The following KCNMB2 variants were observed in gnomAD, a reference collection of about 807,000 sequenced individuals.
KCNMB2 encodes the protein potassium calcium-activated channel subfamily M regulatory beta subunit 2, also known as calcium-activated potassium channel subunit beta-2.
A neutral mutation model predicts 24.5 loss-of-function variants in KCNMB2; 9 were observed. The ratio of observed to expected loss-of-function variants is 0.37; its 90% CI spans 0.22 to 0.64. The LOEUF (loss-of-function observed/expected upper bound fraction) is 0.64, where lower values mean the gene tolerates loss of function less well. KCNMB2 is among the 30% of genes least tolerant of loss of function. The pLI, the probability that KCNMB2 is intolerant of heterozygous loss-of-function variation, is 0.63. For synonymous variants in KCNMB2, 109 were observed against 104.4 expected, an observed-to-expected ratio of 1.04 and a Z score of -0.27; for missense variants, 226 against 284.3, an observed-to-expected ratio of 0.79 and a Z score of 1.47.
chr3:178,784,243 A>G (rs1713002668), intron 1 of KCNMB2, among the ~76,000 whole-genome samples: 1 of 152,188 alleles, frequency 6.6e-6, no homozygotes, highest in South Asian at 2.1e-4. Flanking sequence ...CATCATAGCA[A>G]AACAATTGTT....
intron 1 of KCNMB2, among the ~76,000 whole-genome samples, chr3:178,724,994 C>T (rs1248299350): frequency 6.6e-6 from 1 of 151,944 alleles, no homozygotes; most frequent in Non-Finnish European, 1.5e-5. Flanking sequence ...TTTGGCTATT[C>T]AGACTCTTTT....
intron 4 of KCNMB2, among the ~76,000 whole-genome samples, chr3:178,836,146 C>T (rs769250788): frequency 1.3e-5 from 2 of 152,060 alleles, no homozygotes; most frequent in African/African-American, 2.4e-5. Context: ...CACTTTCTTA[C>T]TGCCTCCTCC....
chr3:178,747,636 A>T (rs1338995314), intron 1 of KCNMB2, among the ~76,000 whole-genome samples: 4 of 152,098 alleles, frequency 2.6e-5, no homozygotes, highest in Non-Finnish European at 4.4e-5. Context: ...TCACTCCAAA[A>T]CCTATGGTCT....
chr3:178,684,776 A>C (rs1270439465), intron 1 of KCNMB2, among the ~76,000 whole-genome samples: 1 of 152,188 alleles, frequency 6.6e-6, no homozygotes, highest in African/African-American at 2.4e-5. Context: ...GGTTGCGGTG[A>C]GCCGAGATCG....
intron 2 of KCNMB2, among the ~76,000 whole-genome samples, chr3:178,819,412 G>A (rs1714537538): frequency 6.6e-6 from 1 of 152,110 alleles, no homozygotes; most frequent in Non-Finnish European, 1.5e-5. Flanking sequence ...CTCACTCTCT[G>A]CAGCCATTGT....
chr3:178,716,555 T>C (rs78452749), intron 1 of KCNMB2, among the ~76,000 whole-genome samples: 21,235 of 151,814 alleles, frequency 0.14, 1,832 homozygotes, highest in Non-Finnish European at 0.18. Context: ...GCGATTGTCC[T>C]GCCTCAGCTT....
chr3:178,783,964 C>A (rs982277136), intron 1 of KCNMB2, among the ~76,000 whole-genome samples: 1 of 152,120 alleles, frequency 6.6e-6, no homozygotes, highest in African/African-American at 2.4e-5. Flanking sequence ...TGAAATACGT[C>A]CCATCAATAT....
At chr3:178,546,679 G>T (rs929693559) in intron 1 of KCNMB2, among the ~76,000 whole-genome samples, 1 of 152,300 alleles carries the variant, frequency 6.6e-6, no homozygotes. Context: ...AAGGCTAAAA[G>T]GTAGAAAAGA....
chr3:178,577,902 T>C (rs993623610), intron 1 of KCNMB2, among the ~76,000 whole-genome samples: 1 of 152,198 alleles, frequency 6.6e-6, no homozygotes, highest in East Asian at 1.9e-4. Context: ...CTACATTTGA[T>C]TGGTGTACCT....
intron 2 of KCNMB2, among the ~76,000 whole-genome samples, chr3:178,811,034 G>A (rs965692869): frequency 4.6e-5 from 7 of 151,216 alleles, no homozygotes; most frequent in African/African-American, 1.7e-4. Flanking sequence ...TTACAGGCGT[G>A]GGCCACCACA....
intron 1 of KCNMB2, among the ~76,000 whole-genome samples, chr3:178,759,676 A>G (rs1338796614): frequency 1.1e-4 from 12 of 111,092 alleles, no homozygotes; most frequent in African/African-American, 3.6e-4. Context: ...ATATATATAT[A>G]TATCCAAGAG....
chr3:178,559,425 T>C (rs1290693329), intron 1 of KCNMB2, among the ~76,000 whole-genome samples: 2 of 152,056 alleles, frequency 1.3e-5, no homozygotes, highest in Non-Finnish European at 2.9e-5. Flanking sequence ...ATGAGAATTT[T>C]CTTGTATTTG....
chr3:178,679,063 T>C (rs1342971497), intron 1 of KCNMB2, among the ~76,000 whole-genome samples: 9 of 152,044 alleles, frequency 5.9e-5, no homozygotes, highest in Non-Finnish European at 1.2e-4. Flanking sequence ...TTTTTGTTTT[T>C]TTTATTATAC....
intron 1 of KCNMB2, among the ~76,000 whole-genome samples, chr3:178,605,471 A>G (rs2108511271): frequency 6.6e-6 from 1 of 152,334 alleles, no homozygotes; most frequent in South Asian, 2.1e-4. Context: ...TTAAAACAGG[A>G]TAAAGGGTGG....
At chr3:178,607,767 G>A (rs143207227) in intron 1 of KCNMB2, among the ~76,000 whole-genome samples, 1 of 152,180 alleles carries the variant, frequency 6.6e-6, no homozygotes, top group African/African-American at 2.4e-5. Flanking sequence ...CAGCTACTGA[G>A]TATCTAACAT....
intron 1 of KCNMB2, among the ~76,000 whole-genome samples, chr3:178,538,878 G>A (rs1715495826): frequency 1.3e-5 from 2 of 151,998 alleles, no homozygotes; most frequent in South Asian, 2.1e-4. Context: ...GTTTACATTG[G>A]TAGATACCAG....
At chr3:178,599,759 C>T (rs756886299) in intron 1 of KCNMB2, among the ~76,000 whole-genome samples, 9 of 152,174 alleles carry the variant, frequency 5.9e-5, no homozygotes, top group East Asian at 1.9e-4. Context: ...ACACACAACT[C>T]GTTTCCCTCT....
At position 178,751,353 on chromosome 3, in the gene KCNMB2, G is replaced by A. The variant is rs138372630; in HGVS notation, c.-67-55990G>A. 5.9e-5 allele frequency among the ~76,000 whole-genome samples: 9 copies of A among 152,106 alleles called. No individual in the cohort carries two copies. In the East Asian group the frequency reaches 1.7e-3, roughly 29 times the overall value. ...CTCAGCACTTTGAGAGGCCAAGGCAGGTGGATCACAACGTCAGGAGTTTGA... is the reference window on the plus strand; with the variant it reads ...CTCAGCACTTTGAGAGGCCAAGGCAAGTGGATCACAACGTCAGGAGTTTGA... On this transcript the variant is annotated intron_variant, in intron 1 of 4. Transcript: ENST00000452583.
intron 1 of KCNMB2, among the ~76,000 whole-genome samples, chr3:178,570,043 TTTTTC>T (rs2108475554): frequency 6.6e-6 from 1 of 152,286 alleles, no homozygotes; most frequent in South Asian, 2.1e-4. Flanking sequence ...GCCATGTCTG[TTTTTC>T]TTTTCTTTTG....
Sources: gnomAD v4.1 joint callset for allele counts (sites outside exome capture counted in the v4.1 genomes callset) on GRCh38, gnomAD v4.1.1 for gene constraint, MANE v1.5 for transcripts, NCBI Gene and HGNC (gene_info 2026-07-23, HGNC 2026-07-21) for gene names.